The following ERP44 variants were observed in gnomAD, a reference collection of about 807,000 sequenced individuals.
ERP44 encodes endoplasmic reticulum resident protein 44.
A neutral mutation model predicts 53.4 loss-of-function variants in ERP44; 25 were observed. The observed-to-expected ratio is 0.47, with a 90% CI of 0.34 to 0.65. The LOEUF (loss-of-function observed/expected upper bound fraction) is 0.65, where lower values mean the gene tolerates loss of function less well. ERP44 is among the 30% of genes least tolerant of loss of function. ERP44 has a pLI of 0.01. For missense variants in ERP44, 338 were observed against 493.2 expected, an observed-to-expected ratio of 0.69 and a Z score of 2.98; for synonymous variants, 145 against 161.2, an observed-to-expected ratio of 0.90 and a Z score of 0.76.
At chr9:100,031,393 T>G (rs1351243200) in intron 4 of ERP44, among the ~76,000 whole-genome samples, 1 of 152,228 alleles carries the variant, frequency 6.6e-6, no homozygotes, top group Admixed American at 6.5e-5. Flanking sequence ...CTAGCCTCCT[T>G]CAGGGAAGAG....
intron 1 of ERP44, among the ~76,000 whole-genome samples, chr9:100,068,044 C>G (rs1303297673): frequency 6.7e-6 from 1 of 149,796 alleles, no homozygotes; most frequent in East Asian, 2.1e-4. Flanking sequence ...GGTCAGTCCC[C>G]CGCCCGGCCA....
intron 1 of ERP44, among the ~76,000 whole-genome samples, chr9:100,090,453 A>C (rs1826540007): frequency 6.6e-6 from 1 of 152,156 alleles, no homozygotes; most frequent in Admixed American, 6.5e-5. Flanking sequence ...TAAAACTTCA[A>C]ATACAACAAA....
intron 2 of ERP44, 46 bp downstream of exon 2, chr9:100,060,054 T>C: frequency 2.2e-6 from 3 of 1,335,508 alleles, no homozygotes; most frequent in Non-Finnish European, 1.9e-6. Context: ...AAACTAACTC[T>C]CTATAGAGAA....
At chr9:100,070,646 G>A (rs1029452054) in intron 1 of ERP44, among the ~76,000 whole-genome samples, 2 of 152,182 alleles carry the variant, frequency 1.3e-5, no homozygotes, top group Non-Finnish European at 2.9e-5. Flanking sequence ...GATGCAATAC[G>A]AAACAGAAAG....
intron 4 of ERP44, among the ~76,000 whole-genome samples, chr9:100,029,947 G>A (rs1213489224): frequency 2.6e-5 from 4 of 152,082 alleles, no homozygotes; most frequent in Non-Finnish European, 5.9e-5. Context: ...AATTAGCCGG[G>A]CGTGGTGGTG....
intron 9 of ERP44, 135 bp downstream of exon 9, chr9:100,007,443 A>C: frequency 1.7e-6 from 1 of 605,438 alleles, no homozygotes. Context: ...TTACCATCAC[A>C]TTTGAATGTG....
At chr9:99,997,434 T>C (rs1830324491) in intron 10 of ERP44, among the ~76,000 whole-genome samples, 1 of 152,194 alleles carries the variant, frequency 6.6e-6, no homozygotes, top group Admixed American at 6.5e-5. Flanking sequence ...ATTTAATAAA[T>C]GGTTAAAATC....
intron 4 of ERP44, among the ~76,000 whole-genome samples, chr9:100,042,746 T>A (rs528051509): frequency 1.8e-4 from 27 of 152,174 alleles, no homozygotes; most frequent in African/African-American, 6.5e-4. Flanking sequence ...AAGAATGAGA[T>A]CCTGTCACTT....
intron 1 of ERP44, among the ~76,000 whole-genome samples, chr9:100,082,839 A>G (rs188346189): frequency 7.7e-4 from 117 of 152,284 alleles, no homozygotes; most frequent in African/African-American, 2.8e-3. Flanking sequence ...ATTAAAAAGC[A>G]TGCTCTAAAT....
At chr9:100,042,976 T>A (rs1255222907) in intron 4 of ERP44, among the ~76,000 whole-genome samples, 1 of 151,854 alleles carries the variant, frequency 6.6e-6, no homozygotes, top group African/African-American at 2.4e-5. Context: ...AAAGAATCAA[T>A]AGGCCGGGCG....
At chr9:100,047,040 C>T (rs185070561) in intron 4 of ERP44, among the ~76,000 whole-genome samples, 27 of 152,250 alleles carry the variant, frequency 1.8e-4, no homozygotes, top group African/African-American at 5.1e-4. Flanking sequence ...AATGCCAGAA[C>T]CATATGCAAA....
intron 1 of ERP44, among the ~76,000 whole-genome samples, chr9:100,080,399 C>G (rs1826410079): frequency 6.6e-6 from 1 of 152,140 alleles, no homozygotes; most frequent in Non-Finnish European, 1.5e-5. Flanking sequence ...TACAGCTCAT[C>G]AAGAACATAT....
intron 4 of ERP44, among the ~76,000 whole-genome samples, chr9:100,047,157 T>C (rs1386541040): frequency 1.3e-5 from 2 of 152,114 alleles, no homozygotes; most frequent in Admixed American, 6.5e-5. Context: ...AAAGAAAACA[T>C]AGCAGAAAAT....
In ERP44 at chr9:100,035,942, G is replaced by A. The variant is rs1378583612; in HGVS notation, c.287-13716C>T. The stretch of plus-strand genomic sequence containing the variant: ...GAGAAAATGAGGCACTTAAACAACT[G>A]TTGATGGGAAAGTAAACTACTCCAA... On this transcript the variant is annotated intron_variant, in intron 4 of 11. Coordinates refer to ENST00000262455, the MANE Select transcript of ERP44 (RefSeq NM_015051.3). Among the ~76,000 whole-genome samples, 3 of 152,162 alleles carry A rather than the reference G, an allele frequency of 2.0e-5. No homozygotes were observed. In the East Asian group the frequency reaches 5.8e-4, roughly 29 times the overall value.
chr9:100,023,528 A>G (rs1830618171), intron 4 of ERP44, among the ~76,000 whole-genome samples: 1 of 151,150 alleles, frequency 6.6e-6, no homozygotes, highest in Non-Finnish European at 1.5e-5. Flanking sequence ...TCCTAGACGT[A>G]AGCAATTCTC....
chr9:100,035,673 C>T (rs1241000299), intron 4 of ERP44, among the ~76,000 whole-genome samples: 1 of 151,398 alleles, frequency 6.6e-6, no homozygotes, highest in African/African-American at 2.4e-5. Flanking sequence ...GAAACTCTGT[C>T]TTAAAAAAAT....
At chr9:100,043,710 G>A (rs550622059) in intron 4 of ERP44, among the ~76,000 whole-genome samples, 7 of 151,958 alleles carry the variant, frequency 4.6e-5, no homozygotes, top group South Asian at 4.2e-4. Context: ...AGCTGAGAAC[G>A]CGCCACTGTA....
intron 8 of ERP44, among the ~76,000 whole-genome samples, chr9:100,010,701 G>A (rs1217113726): frequency 6.6e-6 from 1 of 152,008 alleles, no homozygotes; most frequent in Non-Finnish European, 1.5e-5. Context: ...CAGAGTTCGA[G>A]ACCAGATTGA....
intron 6 of ERP44, among the ~76,000 whole-genome samples, chr9:100,020,277 A>C (rs578181285): frequency 6.6e-6 from 1 of 152,340 alleles, no homozygotes; most frequent in African/African-American, 2.4e-5. Flanking sequence ...CAAGAAAGAC[A>C]GTGTGTTGTT....
Sources: allele counts gnomAD v4.1 joint callset (sites outside exome capture counted in the v4.1 genomes callset), GRCh38; gene constraint gnomAD v4.1.1; transcripts MANE v1.5; gene names NCBI Gene and HGNC (gene_info 2026-07-23, HGNC 2026-07-21).